ASAP2: variants seen among roughly 807,000 people sequenced by gnomAD.
The protein encoded by ASAP2 is arf-GAP with SH3 domain, ANK repeat and PH domain-containing protein 2.
Under a neutral mutation model 131.4 loss-of-function variants are expected in ASAP2, and 45 were observed. The observed-to-expected ratio is 0.34, with a 90% CI of 0.27 to 0.44. The LOEUF (loss-of-function observed/expected upper bound fraction) is 0.44, where lower values mean the gene tolerates loss of function less well. Ranked by LOEUF, ASAP2 falls within the 20% of genes least tolerant of loss-of-function variation. ASAP2 has a pLI of 1.00. For missense variants in ASAP2, 1,011 were observed against 1,297.0 expected (o/e 0.78, Z 3.39); for synonymous variants, 510 against 503.0 (o/e 1.01, Z -0.19).
intron 1 of ASAP2, among the ~76,000 whole-genome samples, chr2:9,247,344 G>T (rs563897697): frequency 1.5e-4 from 23 of 152,312 alleles, no homozygotes; most frequent in African/African-American, 4.6e-4. Context: ...CTCCCAGTCC[G>T]CAGATGCCTA....
chr2:9,277,720 A>AC (rs1666847673), intron 1 of ASAP2, among the ~76,000 whole-genome samples: 1 of 152,046 alleles, frequency 6.6e-6, no homozygotes, highest in African/African-American at 2.4e-5. Flanking sequence ...CATCACTCTC[A>AC]CCTATATCTT....
At chr2:9,376,333 C>G (rs1182846235) in intron 17 of ASAP2, among the ~76,000 whole-genome samples, 2 of 152,274 alleles carry the variant, frequency 1.3e-5, no homozygotes, top group Non-Finnish European at 2.9e-5. Context: ...CTCTCACCCA[C>G]CCACCTGCTG....
chr2:9,331,861 C>CTG (rs888550627), intron 7 of ASAP2, among the ~76,000 whole-genome samples: 1 of 152,116 alleles, frequency 6.6e-6, no homozygotes, highest in African/African-American at 2.4e-5. Context: ...CTGTGACCAG[C>CTG]TGTTGCTCAG....
intron 1 of ASAP2, among the ~76,000 whole-genome samples, chr2:9,226,353 A>G (rs1572198002): frequency 1.3e-5 from 2 of 152,186 alleles, no homozygotes; most frequent in East Asian, 1.9e-4. Flanking sequence ...AATTGCCAAA[A>G]TGCCTATTGC....
At chr2:9,255,634 A>G (rs1265122390) in intron 1 of ASAP2, among the ~76,000 whole-genome samples, 1 of 152,222 alleles carries the variant, frequency 6.6e-6, no homozygotes, top group East Asian at 1.9e-4. Context: ...ACCTAGCTTT[A>G]CAGAGGTGAA....
chr2:9,302,121 C>G (rs79810957), intron 3 of ASAP2, among the ~76,000 whole-genome samples: 1 of 90,918 alleles, frequency 1.1e-5, no homozygotes, highest in Non-Finnish European at 2.5e-5. Flanking sequence ...CCGCGCCCGG[C>G]CTTTTTTTTT....
intron 3 of ASAP2, among the ~76,000 whole-genome samples, chr2:9,313,791 AG>A (rs1669472951): frequency 6.6e-6 from 1 of 152,176 alleles, no homozygotes; most frequent in Non-Finnish European, 1.5e-5. Context: ...TCCCAAGCCC[AG>A]GCCAGCTGGC....
At chr2:9,376,599 A>AGG in intron 17 of ASAP2, among the ~76,000 whole-genome samples, 1 of 152,376 alleles carries the variant, frequency 6.6e-6, no homozygotes, top group Non-Finnish European at 1.5e-5. Flanking sequence ...TCTTGCTTGC[A>AGG]GGCAGGGATC....
intron 7 of ASAP2, among the ~76,000 whole-genome samples, chr2:9,333,498 A>G (rs1670976742): frequency 6.6e-6 from 1 of 152,190 alleles, no homozygotes; most frequent in Non-Finnish European, 1.5e-5. Context: ...TTTAACCTAA[A>G]ACTTGAAGAA....
At position 9,270,185 on chromosome 2, in the gene ASAP2, T is replaced by C. The variant is rs111782004; in HGVS notation, c.127-9132T>C. On this transcript the variant is annotated intron_variant, in intron 1 of 27. Coordinates refer to ENST00000281419, the MANE Select transcript of ASAP2 (RefSeq NM_003887.3). The stretch of plus-strand genomic sequence containing the variant: ...AGGTCTGGCCAGGCGGCAGCTGCAG[T>C]GCAGGCCCTGCTCCTGTCTTGGGGT... 3.6e-3 allele frequency among the ~76,000 whole-genome samples: 553 copies of C among 152,336 alleles called. 1 individual carries two copies. Among genetic ancestry groups the C allele is most frequent in the African/African-American group, 0.013 (521 of 41,578 alleles).
intron 1 of ASAP2, among the ~76,000 whole-genome samples, chr2:9,249,959 C>T (rs943112501): frequency 1.3e-5 from 2 of 152,208 alleles, no homozygotes; most frequent in African/African-American, 4.8e-5. Flanking sequence ...GGCTACATGC[C>T]ATGTGGAAGG....
In ASAP2 at chr2:9,388,475, C is replaced by T. The variant is rs767368573; in HGVS notation, c.2312C>T (p.Pro771Leu). ...TACGGAGCCCTCCTGAGTGGCAGCC[C>T]ACCTCCCGCCCAGCCTGCAGCCCCC... is the stretch of plus-strand genomic sequence containing the variant. ...ETYGALLSGS[P>L]PPAQPAAPST... Residue 771 changes from proline (P) to leucine (L), a missense_variant, in exon 22 of 28, where the codon CCA becomes CTA. Physicochemically the swap from Pro to Leu is moderately conservative, Grantham distance 98. Transcript: ENST00000281419. The T allele has an allele frequency of 1.9e-6, 3 of 1,613,886 alleles. No individual in the cohort carries two copies. The Admixed American group carries it at 5.0e-5, about 27-fold the overall frequency.
intron 1 of ASAP2, among the ~76,000 whole-genome samples, chr2:9,211,025 C>T (rs1190981639): frequency 6.6e-6 from 1 of 151,990 alleles, no homozygotes; most frequent in East Asian, 1.9e-4. Context: ...TGTGGTGGCG[C>T]ATGCCTGTAA....
chr2:9,316,178 C>G (rs1199620815), intron 3 of ASAP2, among the ~76,000 whole-genome samples: 1 of 151,814 alleles, frequency 6.6e-6, no homozygotes, highest in African/African-American at 2.4e-5. Flanking sequence ...AAAAATTAGC[C>G]AAGCATGTTG....
intron 20 of ASAP2, 66 bp downstream of exon 20, chr2:9,380,874 C>CAAGGAGGACAGG: frequency 6.6e-7 from 1 of 1,509,308 alleles, no homozygotes; most frequent in Non-Finnish European, 9.1e-7. Context: ...AGCCTGTCCT[C>CAAGGAGGACAGG]CTTGGGCAGG....
rs1241054650 is a variant in ASAP2, at chr2:9,400,830, A to G, written c.2823A>G (p.Ala941=). 1.9e-6 allele frequency: 3 copies of G among 1,612,942 alleles called. No homozygotes were observed. The highest frequency in any genetic ancestry group is 2.7e-5 in the African/African-American group (2 of 74,878). The change falls in exon 26 of 28, where the codon GCA becomes GCG. Residue 941 remains alanine, a splice_region_variant and synonymous_variant. Transcript: ENST00000281419. ...CACCCATGCCTAGGAAGTCGCAGGC[A>G]GTAAGTGACGAGCCCCCTTTCCTGC... ...PPAPMPRKSQ[A]TKLKPKRVKA...
rs749302239 is a variant in ASAP2 at position 9,356,311 on chromosome 2, G to A, written c.1293G>A (p.Thr431=). ...TCATCTCAGAAGTGCAGAGGATGAC[G>A]GGCAATGACGTCTGCTGTGACTGTG... The part of the protein sequence containing the change: ...KEIISEVQRM[T]GNDVCCDCGA... Residue 431 remains threonine (T), a synonymous_variant, in exon 14 of 28, where the codon ACG becomes ACA. Transcript: ENST00000281419. 1.9e-5 allele frequency: 30 copies of A among 1,610,444 alleles called. No individual in the cohort carries two copies. Among genetic ancestry groups the A allele is most frequent in the African/African-American group, 2.7e-5 (2 of 74,838 alleles).
At chr2:9,358,951 T>C in intron 15 of ASAP2, 62 bp downstream of exon 15, 12 of 1,546,380 alleles carry the variant, frequency 7.8e-6, no homozygotes, top group Non-Finnish European at 1.1e-5. Context: ...AATTTTACTT[T>C]TGGCATTCTA....
At chr2:9,230,405 G>A (rs184948625) in intron 1 of ASAP2, among the ~76,000 whole-genome samples, 114 of 152,334 alleles carry the variant, frequency 7.5e-4, no homozygotes, top group African/African-American at 2.7e-3. Flanking sequence ...TGGCAGGCGA[G>A]TTTCCCAAGC....
Sources: gnomAD v4.1 joint callset for allele counts (sites outside exome capture counted in the v4.1 genomes callset) on GRCh38, gnomAD v4.1.1 for gene constraint, MANE v1.5 for transcripts, NCBI Gene and HGNC (gene_info 2026-07-23, HGNC 2026-07-21) for gene names.